The following SDCCAG8 variants were observed in gnomAD, a reference collection of about 807,000 sequenced individuals.
SDCCAG8 encodes serologically defined colon cancer antigen 8.
A neutral mutation model predicts 101.8 loss-of-function variants in SDCCAG8; 74 were observed. The observed-to-expected ratio is 0.73, with a 90% CI of 0.60 to 0.88. The LOEUF (loss-of-function observed/expected upper bound fraction) is 0.88, where lower values mean the gene tolerates loss of function less well. Among genes scored for constraint, SDCCAG8 ranks in the 40% least tolerant of loss-of-function variants. SDCCAG8 has a pLI of 0.00. For synonymous variants in SDCCAG8, 281 were observed against 292.9 expected (o/e 0.96, Z 0.41); for missense variants, 787 against 822.6 (o/e 0.96, Z 0.53).
chr1:243,275,288 C>T (rs1442748814), intron 4 of SDCCAG8, among the ~76,000 whole-genome samples: 4 of 151,162 alleles, frequency 2.6e-5, no homozygotes, highest in Non-Finnish European at 4.4e-5. Flanking sequence ...TTCTTTCTCT[C>T]TTTCTTTCTT....
In SDCCAG8 at chr1:243,275,171, A is replaced by G. The variant is rs146730099; in HGVS notation, c.420+515A>G. 1.6e-4 allele frequency among the ~76,000 whole-genome samples: 25 copies of G among 152,272 alleles called. No homozygotes were observed. In the East Asian group the frequency reaches 4.8e-3, roughly 29 times the overall value. On this transcript the variant is annotated intron_variant, in intron 4 of 17. Transcript: ENST00000366541. ...AAACACATCATATATAGCTTATGAC[A>G]CTAGAAGGTTATATGCTCAACTGCG...
At chr1:243,492,370 C>T (rs2148286495) in intron 17 of SDCCAG8, among the ~76,000 whole-genome samples, 1 of 123,684 alleles carries the variant, frequency 8.1e-6, no homozygotes, top group South Asian at 2.7e-4. Flanking sequence ...GGTGCAATCT[C>T]TGCTCACTGC....
intron 16 of SDCCAG8, among the ~76,000 whole-genome samples, chr1:243,487,089 G>A (rs1665074517): frequency 1.3e-5 from 2 of 152,212 alleles, no homozygotes; most frequent in Admixed American, 1.3e-4. Flanking sequence ...AAGGAAAAGA[G>A]CTGTTACCAT....
At chr1:243,314,426 A>C (rs1416260020) in intron 8 of SDCCAG8, among the ~76,000 whole-genome samples, 1 of 152,206 alleles carries the variant, frequency 6.6e-6, no homozygotes, top group Non-Finnish European at 1.5e-5. Flanking sequence ...TCTAATTCAA[A>C]ATAGGTAATG....
intron 13 of SDCCAG8, among the ~76,000 whole-genome samples, chr1:243,387,030 C>T (rs2078348500): frequency 6.6e-6 from 1 of 152,114 alleles, no homozygotes; most frequent in Admixed American, 6.5e-5. Flanking sequence ...TTTGACATGT[C>T]CAAATATCTG....
intron 15 of SDCCAG8, 103 bp from the exon 16 acceptor site, chr1:243,426,324 T>A: frequency 3.1e-6 from 3 of 982,594 alleles, no homozygotes; most frequent in Non-Finnish European, 4.7e-6. Flanking sequence ...TATGCTATCA[T>A]GTTTAAGTGT....
In SDCCAG8 at chr1:243,341,089, G is replaced by T. The variant is rs777728424; in HGVS notation, c.1272G>T (p.Lys424Asn). Residue 424 changes from lysine (K) to asparagine (N), a missense_variant, in exon 11 of 18, where the codon AAG (lysine) becomes AAT (asparagine). By Grantham distance (94) the Lys-to-Asn change is moderately conservative. Coordinates refer to ENST00000366541, the MANE Select transcript of SDCCAG8 (RefSeq NM_006642.5). ...NIAQLEAQVE[K>N]VTKEKISAIN... ...CCCAACTGGAGGCCCAGGTGGAAAA[G>T]GTTACAAAGGAAAAGATTTCAGCTA... 3.1e-6 allele frequency: 5 copies of T among 1,614,032 alleles called. No individual in the cohort carries two copies. The highest frequency in any genetic ancestry group is 4.5e-5 in the East Asian group (2 of 44,874).
In SDCCAG8 at chr1:243,474,335, C is replaced by T. The variant is rs1370740276; in HGVS notation, c.1986-14679C>T. Among the ~76,000 whole-genome samples the T allele has an allele frequency of 6.6e-6, 1 of 152,190 alleles. No individual in the cohort carries two copies. The highest frequency in any genetic ancestry group is 1.9e-4 in the East Asian group (1 of 5,180). On this transcript the variant is annotated intron_variant, in intron 16 of 17. Transcript: ENST00000366541. The surrounding 1 kb of genome is among the most constrained non-coding windows in gnomAD (Gnocchi z 4.7). ...CTCCTTCTGCCAAAGTCCAGAGGCC[C>T]TGCGAGCCCCCGTGGAGTCGCCTGA... is the stretch of plus-strand genomic sequence containing the variant.
chr1:243,295,341 G>A (rs1484163948), intron 6 of SDCCAG8, among the ~76,000 whole-genome samples: 6 of 152,212 alleles, frequency 3.9e-5, no homozygotes, highest in Admixed American at 2.0e-4. Context: ...GGGTGCAAGC[G>A]ATTCTCCTGC....
intron 14 of SDCCAG8, among the ~76,000 whole-genome samples, chr1:243,417,186 A>G (rs1046937794): frequency 6.6e-6 from 1 of 152,228 alleles, no homozygotes; most frequent in African/African-American, 2.4e-5. Context: ...CAGGTTTAGT[A>G]GAAGTTTTTC....
intron 3 of SDCCAG8, among the ~76,000 whole-genome samples, chr1:243,271,271 T>C (rs2068060227): frequency 1.3e-5 from 2 of 151,200 alleles, no homozygotes; most frequent in Non-Finnish European, 2.9e-5. Context: ...TATTATTCAC[T>C]TGGAAAATGG....
chr1:243,465,940 A>G (rs1660046515), intron 16 of SDCCAG8, among the ~76,000 whole-genome samples: 1 of 152,224 alleles, frequency 6.6e-6, no homozygotes, highest in South Asian at 2.1e-4. Flanking sequence ...CTTTCTGAAG[A>G]GAAGATACCG....
chr1:243,427,629 A>G (rs2081429112), intron 16 of SDCCAG8, among the ~76,000 whole-genome samples: 1 of 152,112 alleles, frequency 6.6e-6, no homozygotes. Flanking sequence ...AAGGAAATGA[A>G]AATATTTATA....
At chr1:243,291,810 G>A (rs1405592974) in intron 5 of SDCCAG8, among the ~76,000 whole-genome samples, 1 of 152,006 alleles carries the variant, frequency 6.6e-6, no homozygotes, top group Non-Finnish European at 1.5e-5. Flanking sequence ...ACAGGTTAAG[G>A]GCTCAGTACC....
chr1:243,315,370 G>T (rs952913392), intron 8 of SDCCAG8, among the ~76,000 whole-genome samples: 1 of 152,024 alleles, frequency 6.6e-6, no homozygotes, highest in African/African-American at 2.4e-5. Flanking sequence ...CATAGTAATT[G>T]TGTTTGATTA....
intron 12 of SDCCAG8, among the ~76,000 whole-genome samples, chr1:243,352,923 T>C (rs932215998): frequency 6.6e-6 from 1 of 152,208 alleles, no homozygotes; most frequent in African/African-American, 2.4e-5. Flanking sequence ...CATTTACATA[T>C]ACCTGTAAGG....
chr1:243,326,367 A>G (rs1178650484), intron 9 of SDCCAG8, among the ~76,000 whole-genome samples: 2 of 152,214 alleles, frequency 1.3e-5, no homozygotes, highest in Non-Finnish European at 2.9e-5. Flanking sequence ...CAAATATCCA[A>G]ATTATTCTGT....
chr1:243,261,813 A>G (rs941000543), intron 1 of SDCCAG8, among the ~76,000 whole-genome samples: 4 of 151,196 alleles, frequency 2.6e-5, no homozygotes, highest in African/African-American at 9.7e-5. Flanking sequence ...TTCAAATTAT[A>G]CATATTCATC....
chr1:243,480,845 GGGGTGGATGGAT>G (rs1165588539), intron 16 of SDCCAG8, among the ~76,000 whole-genome samples: 1,783 of 125,194 alleles, frequency 0.014, 168 homozygotes, highest in African/African-American at 0.057. Flanking sequence ...ATGGATGGGT[GGGGTGGATGGAT>G]GGGTGGATGG....
Sources: allele counts gnomAD v4.1 joint callset (sites outside exome capture counted in the v4.1 genomes callset), GRCh38; gene constraint gnomAD v4.1.1; non-coding constraint Gnocchi (gnomAD v3.1); transcripts MANE v1.5; gene names NCBI Gene and HGNC (gene_info 2026-07-23, HGNC 2026-07-21).